Variants in UBAC2 observed in about 807,000 individuals in gnomAD.
UBAC2 encodes UBA domain containing 2, also known as ubiquitin-associated domain-containing protein 2.
A neutral mutation model predicts 44.0 loss-of-function variants in UBAC2; 26 were observed. The observed-to-expected ratio is 0.59, with a 90% CI of 0.43 to 0.82. UBAC2 has a LOEUF of 0.82. Among genes scored for constraint, UBAC2 ranks in the 40% least tolerant of loss-of-function variants. UBAC2 has a pLI of 0.00. For synonymous variants in UBAC2, 155 were observed against 154.3 expected (o/e 1.00, Z -0.04); for missense variants, 329 against 419.4 (o/e 0.78, Z 1.88).
chr13:99,260,429 A>G (rs888584808), intron 4 of UBAC2, among the ~76,000 whole-genome samples: 6 of 152,172 alleles, frequency 3.9e-5, no homozygotes, highest in African/African-American at 1.4e-4. Flanking sequence ...GGAGGAATGG[A>G]TAAATGTCTG....
At position 99,318,015 on chromosome 13, in the gene UBAC2, T is replaced by G. The variant is rs2044515777; in HGVS notation, c.514-7T>G. 2 of 1,605,902 alleles carry G rather than the reference T, an allele frequency of 1.2e-6. No individual in the cohort carries two copies. Reference sequence around the variant, plus strand: ...ATTTTTAGTTGCCTTTTTTTTTTCTTTTATAGCTTTTCACCTCTGGTTCCT... The same window carrying G: ...ATTTTTAGTTGCCTTTTTTTTTTCTGTTATAGCTTTTCACCTCTGGTTCCT... On this transcript the variant is annotated splice_region_variant and splice_polypyrimidine_tract_variant and intron_variant, in intron 5 of 8. Coordinates refer to ENST00000403766, the MANE Select transcript of UBAC2 (RefSeq NM_001144072.2).
chr13:99,272,758 A>G (rs1261788549), intron 4 of UBAC2, among the ~76,000 whole-genome samples: 1 of 152,106 alleles, frequency 6.6e-6, no homozygotes, highest in Non-Finnish European at 1.5e-5. Flanking sequence ...TTGCCTCCCA[A>G]AGGTCCTACC....
intron 4 of UBAC2, among the ~76,000 whole-genome samples, chr13:99,284,639 T>A (rs1224499131): frequency 6.6e-6 from 1 of 152,236 alleles, no homozygotes; most frequent in African/African-American, 2.4e-5. Context: ...GTCCAAATAA[T>A]GTCCTTTATG....
intron 4 of UBAC2, among the ~76,000 whole-genome samples, chr13:99,268,160 G>A (rs1347453906): frequency 6.6e-6 from 1 of 152,214 alleles, no homozygotes; most frequent in Non-Finnish European, 1.5e-5. Flanking sequence ...ATCACAGGGA[G>A]GCTGGGAGAT....
chr13:99,258,562 C>T (rs1191921204), intron 4 of UBAC2: 2 of 151,788 alleles, frequency 1.3e-5, no homozygotes, highest in Non-Finnish European at 2.9e-5. Flanking sequence ...AGTTTGTGTA[C>T]TTTGATGCTT....
chr13:99,305,937 C>G (rs1328793828), intron 4 of UBAC2, among the ~76,000 whole-genome samples: 1 of 152,044 alleles, frequency 6.6e-6, no homozygotes, highest in Non-Finnish European at 1.5e-5. Flanking sequence ...GCATGGTCGC[C>G]CAGGCTAGAG....
intron 4 of UBAC2, among the ~76,000 whole-genome samples, chr13:99,245,065 C>T (rs2142742578): frequency 6.6e-6 from 1 of 152,230 alleles, no homozygotes; most frequent in Middle Eastern, 3.4e-3. Flanking sequence ...AACTCCTGAC[C>T]TCAGGTGATC....
intron 7 of UBAC2, among the ~76,000 whole-genome samples, chr13:99,342,502 T>C (rs1436648121): frequency 1.3e-5 from 2 of 152,106 alleles, no homozygotes; most frequent in Non-Finnish European, 2.9e-5. Context: ...ACAGTCTCTG[T>C]GGATGCCAGG....
intron 6 of UBAC2, among the ~76,000 whole-genome samples, chr13:99,332,174 T>C (rs2044724842): frequency 6.6e-6 from 1 of 152,174 alleles, no homozygotes; most frequent in Non-Finnish European, 1.5e-5. Flanking sequence ...TCAGCCACAG[T>C]TGGCCAAAGA....
At chr13:99,261,925 A>T in intron 4 of UBAC2, among the ~76,000 whole-genome samples, 1 of 152,216 alleles carries the variant, frequency 6.6e-6, no homozygotes, top group East Asian at 1.9e-4. Context: ...AGTTACCTTC[A>T]GTTACCTTCA....
At chr13:99,254,619 A>G (rs2043507586) in intron 4 of UBAC2, 4 of 316,618 alleles carry the variant, frequency 1.3e-5, no homozygotes, top group Non-Finnish European at 1.7e-5. Flanking sequence ...TGACTTGATT[A>G]ACACACATGT....
rs375543364 is a variant in UBAC2 at position 99,247,036 on chromosome 13, A to G, written c.389+2412A>G. ...TTTTTGGTAGAGAAAAGGTTTTGCT[A>G]TGTTGTCTAGGCTGGTCTTGAATTC... On this transcript the variant is annotated intron_variant, in intron 4 of 8. Transcript: ENST00000403766. 1.4e-3 allele frequency among the ~76,000 whole-genome samples: 215 copies of G among 152,216 alleles called. 2 individuals are homozygous for G. The highest frequency in any genetic ancestry group is 5.0e-3 in the African/African-American group (208 of 41,534).
chr13:99,255,093 C>T, intron 4 of UBAC2: 1 of 1,614,074 alleles, frequency 6.2e-7, no homozygotes, highest in Non-Finnish European at 8.5e-7. Context: ...AACTGTTCTC[C>T]CCCGTTCCCA....
At position 99,370,600 on chromosome 13, in the gene UBAC2, C is replaced by T. The variant is rs1423634597; in HGVS notation, c.927+2694C>T. On this transcript the variant is annotated intron_variant, in intron 8 of 8. Coordinates refer to ENST00000403766, the MANE Select transcript of UBAC2 (RefSeq NM_001144072.2). ...GTCCCCAGAGTGAACAAATGCCACGCACCTGCCTCTGTAGCAAAACTTTGT... is the reference window on the plus strand; with the variant it reads ...GTCCCCAGAGTGAACAAATGCCACGTACCTGCCTCTGTAGCAAAACTTTGT... Among the ~76,000 whole-genome samples, 3 of 152,224 alleles carry T rather than the reference C, an allele frequency of 2.0e-5. No homozygotes were observed. The South Asian group carries it at 6.2e-4, about 31-fold the overall frequency.
intron 6 of UBAC2, among the ~76,000 whole-genome samples, chr13:99,320,680 C>T (rs576810536): frequency 6.6e-6 from 1 of 152,240 alleles, no homozygotes; most frequent in African/African-American, 2.4e-5. Context: ...ACCTAAGGAA[C>T]ATTTTCTTTC....
Position 99,337,602 on chromosome 13 carries a change from C to G in UBAC2, c.562-2718C>G, listed in dbSNP as rs142486423. Among the ~76,000 whole-genome samples, 856 of 152,240 alleles carry G rather than the reference C, an allele frequency of 5.6e-3. 8 individuals are homozygous for G. Among genetic ancestry groups the G allele is most frequent in the Non-Finnish European group, 0.011 (727 of 68,012 alleles). On this transcript the variant is annotated intron_variant, in intron 6 of 8. Coordinates refer to ENST00000403766, the MANE Select transcript of UBAC2 (RefSeq NM_001144072.2). The stretch of plus-strand genomic sequence containing the variant: ...TATATTCTTTCTTTATTCTAGAAAA[C>G]TCTCAGCTGTTTATCTCTTTAAATA...
chr13:99,381,379 T>C (rs1358625568), intron 8 of UBAC2, among the ~76,000 whole-genome samples: 1 of 152,232 alleles, frequency 6.6e-6, no homozygotes, highest in African/African-American at 2.4e-5. Flanking sequence ...GATCTCCAAA[T>C]TGCTGAGTGT....
chr13:99,337,939 T>C (rs1338136611), intron 6 of UBAC2, among the ~76,000 whole-genome samples: 3 of 151,768 alleles, frequency 2.0e-5, no homozygotes, highest in African/African-American at 7.3e-5. Flanking sequence ...CTGTGACACA[T>C]TGGAAGAAGA....
chr13:99,302,045 G>A (rs2044264582), intron 4 of UBAC2, among the ~76,000 whole-genome samples: 1 of 152,204 alleles, frequency 6.6e-6, no homozygotes, highest in Non-Finnish European at 1.5e-5. Flanking sequence ...TGACTTCTCT[G>A]TAGGTCAAGT....
Sources: gnomAD v4.1 joint callset for allele counts (sites outside exome capture counted in the v4.1 genomes callset) on GRCh38, gnomAD v4.1.1 for gene constraint, MANE v1.5 for transcripts, NCBI Gene and HGNC (gene_info 2026-07-23, HGNC 2026-07-21) for gene names.